Variants in NLGN1 observed in about 807,000 individuals in gnomAD.
The protein encoded by NLGN1 is neuroligin-1.
A neutral mutation model predicts 65.5 loss-of-function variants in NLGN1; 12 were observed. That is an observed-to-expected ratio of 0.18 (90% confidence interval 0.12 to 0.30). The LOEUF is 0.30. Ranked by LOEUF, NLGN1 falls within the 10% of genes least tolerant of loss-of-function variation. NLGN1 has a pLI of 1.00. For missense variants in NLGN1, 750 were observed against 1,007.1 expected (o/e 0.74, Z 3.46); for synonymous variants, 350 against 359.5 (o/e 0.97, Z 0.30).
intron 2 of NLGN1, among the ~76,000 whole-genome samples, chr3:173,489,147 C>T (rs1176849443): frequency 6.6e-6 from 1 of 151,588 alleles, no homozygotes; most frequent in East Asian, 1.9e-4. Context: ...AGGTTTGTTA[C>T]ATATGTATAC....
At chr3:174,286,274 G>A (rs1293506480) in exon 7 of NLGN1, 1 of 151,394 alleles carries the variant, frequency 6.6e-6, no homozygotes, top group African/African-American at 2.4e-5. Flanking sequence ...ACAGAATTTA[G>A]TCCTTTATGG....
At chr3:173,751,627 G>T (rs1393757911) in intron 3 of NLGN1, among the ~76,000 whole-genome samples, 2 of 152,008 alleles carry the variant, frequency 1.3e-5, no homozygotes, top group Admixed American at 6.6e-5. Context: ...AAGCAAGGAT[G>T]AACAGTCTAG....
At chr3:173,772,283 T>C (rs1266108150) in intron 3 of NLGN1, among the ~76,000 whole-genome samples, 8 of 152,140 alleles carry the variant, frequency 5.3e-5, no homozygotes, top group South Asian at 4.1e-4. Context: ...TCACATTTTC[T>C]CATATTCAGT....
At chr3:174,181,110 C>T (rs748952591) in intron 4 of NLGN1, among the ~76,000 whole-genome samples, 4 of 152,074 alleles carry the variant, frequency 2.6e-5, no homozygotes, top group Non-Finnish European at 5.9e-5. Flanking sequence ...TAACCACATC[C>T]GGGACACTTT....
intron 4 of NLGN1, among the ~76,000 whole-genome samples, chr3:173,891,969 G>A (rs1209229321): frequency 6.6e-6 from 1 of 152,124 alleles, no homozygotes; most frequent in Non-Finnish European, 1.5e-5. Context: ...CACAGCCAAG[G>A]TCACAGCAAT....
At chr3:174,212,168 C>T (rs991887724) in intron 4 of NLGN1, among the ~76,000 whole-genome samples, 2 of 152,164 alleles carry the variant, frequency 1.3e-5, no homozygotes, top group African/African-American at 4.8e-5. Flanking sequence ...GCCGGTGGGC[C>T]GGCACTGCTG....
At chr3:174,254,358 A>C (rs1745304696) in intron 4 of NLGN1, among the ~76,000 whole-genome samples, 1 of 142,406 alleles carries the variant, frequency 7.0e-6, no homozygotes, top group African/African-American at 2.7e-5. Flanking sequence ...GATAGTGAGA[A>C]ACTTGAATTA....
chr3:174,182,169 T>G (rs1169682893), intron 4 of NLGN1, among the ~76,000 whole-genome samples: 5 of 152,076 alleles, frequency 3.3e-5, no homozygotes, highest in African/African-American at 1.2e-4. Flanking sequence ...TTTTTATTAT[T>G]TCCACTTCCA....
chr3:173,758,621 T>G (rs1426158506), intron 3 of NLGN1, among the ~76,000 whole-genome samples: 2 of 152,018 alleles, frequency 1.3e-5, no homozygotes, highest in East Asian at 3.9e-4. Context: ...TCCAGACATG[T>G]CTTGCTCTGA....
In NLGN1 at chr3:174,133,973, A is replaced by T. The variant is rs73880362; in HGVS notation, c.647-141342A>T. 8.2e-3 allele frequency among the ~76,000 whole-genome samples: 1,242 copies of T among 151,578 alleles called. 18 individuals carry two copies. The highest frequency in any genetic ancestry group is 0.028 in the African/African-American group (1,170 of 41,322). On this transcript the variant is annotated intron_variant, in intron 4 of 6. Coordinates refer to ENST00000457714, the Ensembl canonical transcript of NLGN1. ...TAAGATTTAGAAGCAGACCTGAATAAGTTATTCTAATACCTGGACAAAGCT... is the reference window on the plus strand; with the variant it reads ...TAAGATTTAGAAGCAGACCTGAATATGTTATTCTAATACCTGGACAAAGCT...
At chr3:173,953,792 C>T (rs1000318321) in intron 4 of NLGN1, among the ~76,000 whole-genome samples, 1 of 152,150 alleles carries the variant, frequency 6.6e-6, no homozygotes, top group African/African-American at 2.4e-5. Context: ...TATCCTCCCA[C>T]CTTGGCCTCC....
chr3:173,678,970 A>G (rs968929882), intron 3 of NLGN1, among the ~76,000 whole-genome samples: 4 of 152,022 alleles, frequency 2.6e-5, no homozygotes, highest in African/African-American at 9.7e-5. Context: ...TGAGAGAAAA[A>G]GTATGGTAAA....
At position 174,183,239 on chromosome 3, in the gene NLGN1, C is replaced by T. The variant is rs181220659; in HGVS notation, c.647-92076C>T. On this transcript the variant is annotated intron_variant, in intron 4 of 6. Transcript: ENST00000457714. ...TTCCCTCCTCCACAGGGCCTGCCTT[C>T]TCCTGCCAGGCAGAGTTATGTATTT... Among the ~76,000 whole-genome samples the T allele has an allele frequency of 4.5e-3, 686 of 152,288 alleles. 4 individuals carry two copies. The highest frequency in any genetic ancestry group is 7.4e-3 in the Non-Finnish European group (502 of 68,018).
rs149523868 is a variant in NLGN1 at position 173,548,755 on chromosome 3, A to G, written c.-320-55524A>G. 2.7e-3 allele frequency among the ~76,000 whole-genome samples: 406 copies of G among 152,026 alleles called. 1 individual carries two copies. Among genetic ancestry groups the G allele is most frequent in the African/African-American group, 8.8e-3 (366 of 41,532 alleles). On this transcript the variant is annotated intron_variant, in intron 2 of 6. Transcript: ENST00000457714. ...CTAACACGTGTGTGTATGAAAGTAT[A>G]TATGTATATATTTATATATATGAAA...
intron 3 of NLGN1, among the ~76,000 whole-genome samples, chr3:173,759,860 T>C (rs1348135250): frequency 2.6e-5 from 4 of 151,996 alleles, no homozygotes; most frequent in African/African-American, 9.7e-5. Flanking sequence ...CTATTGTTAT[T>C]TATCTCCCAA....
chr3:174,161,939 C>T (rs1372489596), intron 4 of NLGN1, among the ~76,000 whole-genome samples: 2 of 151,956 alleles, frequency 1.3e-5, no homozygotes, highest in Middle Eastern at 3.4e-3. Context: ...CACTTTCCAC[C>T]TGCTTCCACA....
At chr3:173,444,840 G>GTA (rs1288772489) in intron 2 of NLGN1, among the ~76,000 whole-genome samples, 2 of 151,610 alleles carry the variant, frequency 1.3e-5, no homozygotes, top group Admixed American at 6.6e-5. Context: ...GTGTGTGTTT[G>GTA]TATATATATA....
intron 4 of NLGN1, among the ~76,000 whole-genome samples, chr3:174,124,427 A>G (rs900777814): frequency 6.6e-6 from 1 of 151,582 alleles, no homozygotes; most frequent in Non-Finnish European, 1.5e-5. Flanking sequence ...TAAAATCACC[A>G]TAGTCCCTGT....
chr3:173,423,178 A>G (rs1715434514), intron 1 of NLGN1, among the ~76,000 whole-genome samples: 1 of 152,170 alleles, frequency 6.6e-6, no homozygotes, highest in South Asian at 2.1e-4. Flanking sequence ...AGCATGTGGG[A>G]AACTGCCCCT....
Sources: allele counts gnomAD v4.1 joint callset (sites outside exome capture counted in the v4.1 genomes callset), GRCh38; gene constraint gnomAD v4.1.1; transcripts MANE v1.5; gene names NCBI Gene and HGNC (gene_info 2026-07-23, HGNC 2026-07-21).